GALNTL6: variants seen among roughly 807,000 people sequenced by gnomAD.
GALNTL6 encodes the protein polypeptide N-acetylgalactosaminyltransferase like 6, also known as polypeptide N-acetylgalactosaminyltransferase-like 6.
A neutral mutation model predicts 73.7 loss-of-function variants in GALNTL6; 46 were observed. That is an observed-to-expected ratio of 0.62 (90% CI 0.49 to 0.80). GALNTL6 has a LOEUF of 0.80. GALNTL6 is among the 30% of genes least tolerant of loss of function. The pLI, the probability that GALNTL6 is intolerant of heterozygous loss-of-function variation, is 0.00. For missense variants in GALNTL6, 604 were observed against 755.0 expected (o/e 0.80, Z 2.34); for synonymous variants, 259 against 263.7 (o/e 0.98, Z 0.17).
intron 9 of GALNTL6, among the ~76,000 whole-genome samples, chr4:172,940,566 T>C (rs1312379902): frequency 6.6e-6 from 1 of 151,954 alleles, no homozygotes; most frequent in Non-Finnish European, 1.5e-5. Context: ...TTTCACCATG[T>C]TGGCCAGGAT....
rs192090574 is a variant in GALNTL6, at chr4:172,595,504, C to T, written c.554-213857C>T. On this transcript the variant is annotated intron_variant, in intron 5 of 12. Coordinates refer to ENST00000506823, the MANE Select transcript of GALNTL6 (RefSeq NM_001034845.3). ...AATATTTTACTTAAACACTTTCCAC[C>T]CATATATTCCTCTAATCCAGAGCAA... Among the ~76,000 whole-genome samples, 353 of 152,156 alleles carry T rather than the reference C, an allele frequency of 2.3e-3. 1 individual carries two copies. Among genetic ancestry groups the T allele is most frequent in the Non-Finnish European group, 3.7e-3 (252 of 67,996 alleles).
intron 5 of GALNTL6, among the ~76,000 whole-genome samples, chr4:172,588,992 A>G (rs4296659): frequency 1 from 152,206 of 152,354 alleles, 76,029 homozygotes; most frequent in Non-Finnish European, 1. Context: ...TTATGTGCTC[A>G]AATTAATTAA....
At chr4:171,988,375 A>G (rs986225379) in intron 2 of GALNTL6, among the ~76,000 whole-genome samples, 1 of 152,192 alleles carries the variant, frequency 6.6e-6, no homozygotes, top group Non-Finnish European at 1.5e-5. Flanking sequence ...TGACTGAAGT[A>G]ATAGGGGCTG....
At chr4:172,938,949 A>G (rs1748768718) in intron 9 of GALNTL6, among the ~76,000 whole-genome samples, 1 of 152,210 alleles carries the variant, frequency 6.6e-6, no homozygotes, top group Non-Finnish European at 1.5e-5. Context: ...TCAAAACTAA[A>G]GATGATTCAC....
chr4:172,513,549 T>C lies in GALNTL6; in HGVS notation c.553+164860T>C, dbSNP rs1734499782. ...GATTCCTTCTCATTTGAGTAGACTATGTCAGAGGAAAGATCTGGGACTCAA... is the reference window on the plus strand; with the variant it reads ...GATTCCTTCTCATTTGAGTAGACTACGTCAGAGGAAAGATCTGGGACTCAA... On this transcript the variant is annotated intron_variant, in intron 5 of 12. Transcript: ENST00000506823. 2.0e-5 allele frequency among the ~76,000 whole-genome samples: 3 copies of C among 152,190 alleles called. No individual in the cohort carries two copies. In the South Asian group the frequency reaches 6.2e-4, roughly 32 times the overall value.
rs143053709 is a variant in GALNTL6 at position 171,972,070 on chromosome 4, G to A, written c.138+157352G>A. On this transcript the variant is annotated intron_variant, in intron 2 of 12. Transcript: ENST00000506823. Reference sequence around the variant, plus strand: ...AATTCTCTGAAGCAAGACCCATTGTGTGAGCATTATTTCAGCCTCTGCTTC... The same window carrying A: ...AATTCTCTGAAGCAAGACCCATTGTATGAGCATTATTTCAGCCTCTGCTTC... Among the ~76,000 whole-genome samples the A allele has an allele frequency of 1.2e-3, 183 of 152,246 alleles. 1 individual carries two copies. The Middle Eastern group carries it at 0.017, about 14-fold the overall frequency.
At chr4:172,965,120 G>A (rs941219638) in intron 10 of GALNTL6, among the ~76,000 whole-genome samples, 2 of 152,100 alleles carry the variant, frequency 1.3e-5, no homozygotes, top group African/African-American at 4.8e-5. Context: ...ATTTTCTCAG[G>A]CAGAGGCAGT....
At chr4:171,972,935 T>C (rs1739613974) in intron 2 of GALNTL6, among the ~76,000 whole-genome samples, 2 of 152,160 alleles carry the variant, frequency 1.3e-5, no homozygotes, top group South Asian at 4.1e-4. Context: ...AATTTCTTCT[T>C]AAAAAGGAAT....
intron 5 of GALNTL6, among the ~76,000 whole-genome samples, chr4:172,388,467 G>A (rs1454112594): frequency 6.6e-6 from 1 of 152,062 alleles, no homozygotes. Context: ...GAAGAATAAA[G>A]ACATTTATTA....
intron 5 of GALNTL6, among the ~76,000 whole-genome samples, chr4:172,745,261 T>C (rs575901681): frequency 6.6e-4 from 100 of 151,892 alleles, no homozygotes; most frequent in African/African-American, 2.2e-3. Context: ...ATACAAGCAT[T>C]GAAAAGCAGG....
intron 7 of GALNTL6, among the ~76,000 whole-genome samples, chr4:172,875,650 C>T (rs1370501302): frequency 6.6e-6 from 1 of 151,492 alleles, no homozygotes; most frequent in Non-Finnish European, 1.5e-5. Context: ...CCAGGCGAAG[C>T]TATCTATCAC....
chr4:172,978,090 C>T (rs762000085), intron 10 of GALNTL6, among the ~76,000 whole-genome samples: 18 of 152,152 alleles, frequency 1.2e-4, no homozygotes, highest in Non-Finnish European at 2.1e-4. Context: ...GTTCCGTCCG[C>T]CTTGGCTTCC....
chr4:172,876,609 A>T (rs1350966766), intron 7 of GALNTL6, among the ~76,000 whole-genome samples: 1 of 152,166 alleles, frequency 6.6e-6, no homozygotes, highest in Non-Finnish European at 1.5e-5. Context: ...CCCTAGAGTG[A>T]TCATCTCCTT....
chr4:172,938,475 T>C (rs1748742751), intron 9 of GALNTL6, among the ~76,000 whole-genome samples: 1 of 152,202 alleles, frequency 6.6e-6, no homozygotes, highest in South Asian at 2.1e-4. Flanking sequence ...AGATATCAGC[T>C]GAGGAAAAGC....
At chr4:172,168,789 A>G (rs775980406) in intron 2 of GALNTL6, among the ~76,000 whole-genome samples, 6 of 152,228 alleles carry the variant, frequency 3.9e-5, no homozygotes, top group Middle Eastern at 3.2e-3. Context: ...ATAAAGAGAC[A>G]TATCAGCTGC....
At chr4:172,736,438 C>A (rs1051732502) in intron 5 of GALNTL6, among the ~76,000 whole-genome samples, 19 of 152,224 alleles carry the variant, frequency 1.2e-4, no homozygotes, top group African/African-American at 3.9e-4. Flanking sequence ...ATGGTTATCT[C>A]CCTTGTTCCC....
intron 11 of GALNTL6, among the ~76,000 whole-genome samples, chr4:173,018,099 G>A (rs1752854439): frequency 6.6e-6 from 1 of 152,070 alleles, no homozygotes; most frequent in Admixed American, 6.5e-5. Flanking sequence ...AGACAGAGAG[G>A]GAAATAAATC....
intron 2 of GALNTL6, among the ~76,000 whole-genome samples, chr4:172,031,638 G>A (rs551102608): frequency 6.6e-6 from 1 of 152,048 alleles, no homozygotes; most frequent in African/African-American, 2.4e-5. Flanking sequence ...CCTTTAGTAC[G>A]TTGTACCTAT....
chr4:172,299,511 A>G lies in GALNTL6; in HGVS notation c.248-12103A>G, dbSNP rs533336880. On this transcript the variant is annotated intron_variant, in intron 3 of 12. Coordinates refer to ENST00000506823, the MANE Select transcript of GALNTL6 (RefSeq NM_001034845.3). ...CTTTCTCTTGTGGGCATTTAGTGCT[A>G]TAAATTTCCCTCTACACACTGCTTT... Among the ~76,000 whole-genome samples the G allele has an allele frequency of 3.3e-5, 5 of 152,318 alleles. 1 individual carries two copies. The highest frequency in any genetic ancestry group is 2.1e-4 in the South Asian group (1 of 4,828).
Sources: gnomAD v4.1 joint callset for allele counts (sites outside exome capture counted in the v4.1 genomes callset) on GRCh38, gnomAD v4.1.1 for gene constraint, MANE v1.5 for transcripts, NCBI Gene and HGNC (gene_info 2026-07-23, HGNC 2026-07-21) for gene names.